The following AFF2 variants were observed in gnomAD, a reference collection of about 807,000 sequenced individuals.
AFF2 encodes the protein AF4/FMR2 family member 2.
A neutral mutation model predicts 76.9 loss-of-function variants in AFF2; 14 were observed. That is an observed-to-expected ratio of 0.18 (90% CI 0.12 to 0.28). The LOEUF (loss-of-function observed/expected upper bound fraction) is 0.28. Ranked by LOEUF, AFF2 falls within the 10% of genes least tolerant of loss-of-function variation. AFF2 has a pLI of 1.00. For missense variants in AFF2, 868 were observed against 1,001.1 expected (o/e 0.87, Z 1.79); for synonymous variants, 398 against 366.7 (o/e 1.09, Z -0.98).
intron 1 of AFF2, among the ~76,000 whole-genome samples, chrX:148,548,857 TA>T (rs1188371801): frequency 8.9e-6 from 1 of 112,757 alleles, no homozygotes; most frequent in African/African-American, 3.2e-5. Context: ...TAAAAGAAGA[TA>T]AAAATACAAT....
At chrX:148,868,656 G>T in intron 7 of AFF2, among the ~76,000 whole-genome samples, 1 of 112,450 alleles carries the variant, frequency 8.9e-6, no homozygotes, top group Non-Finnish European at 1.9e-5. Context: ...AAATACCTAA[G>T]ACTGGGTAGT....
At chrX:148,840,552 T>C (rs2070586734) in intron 5 of AFF2, among the ~76,000 whole-genome samples, 1 of 112,794 alleles carries the variant, frequency 8.9e-6, no homozygotes. Flanking sequence ...GTCAAGGCTA[T>C]TGCTTAAAAG....
At chrX:148,564,855 A>G (rs987213747) in intron 1 of AFF2, among the ~76,000 whole-genome samples, 5 of 112,121 alleles carry the variant, frequency 4.5e-5, no homozygotes, top group Non-Finnish European at 9.4e-5. Context: ...TAGGTAGCAC[A>G]TTCCACACAG....
intron 3 of AFF2, among the ~76,000 whole-genome samples, chrX:148,792,211 T>C (rs1287893987): frequency 1.8e-5 from 2 of 111,942 alleles, no homozygotes; most frequent in Non-Finnish European, 3.8e-5. Flanking sequence ...AGCTTAGAGT[T>C]GTCATGTAGA....
chrX:148,715,841 A>T (rs1156347063), intron 3 of AFF2, among the ~76,000 whole-genome samples: 1 of 111,652 alleles, frequency 9.0e-6, no homozygotes, highest in Non-Finnish European at 1.9e-5. Context: ...CATACATTTA[A>T]AATGTTTTAA....
At chrX:148,643,608 G>T (rs1394160469) in intron 1 of AFF2, among the ~76,000 whole-genome samples, 1 of 112,194 alleles carries the variant, frequency 8.9e-6, no homozygotes, top group Non-Finnish European at 1.9e-5. Flanking sequence ...TATTAGAGCA[G>T]AAAAGAAACT....
intron 3 of AFF2, among the ~76,000 whole-genome samples, chrX:148,729,867 C>T (rs1352446679): frequency 3.6e-5 from 4 of 111,732 alleles, no homozygotes; most frequent in Non-Finnish European, 7.5e-5. Context: ...ATGTCACCGC[C>T]ACTGTATAGT....
intron 3 of AFF2, among the ~76,000 whole-genome samples, chrX:148,789,849 A>C (rs2069869097): frequency 9.0e-6 from 1 of 111,608 alleles, no homozygotes; most frequent in African/African-American, 3.3e-5. Context: ...AGGGGTGCAA[A>C]ACCTGGAATA....
At chrX:148,932,494 T>G (rs781839991) in intron 9 of AFF2, among the ~76,000 whole-genome samples, 2 of 112,057 alleles carry the variant, frequency 1.8e-5, no homozygotes, top group African/African-American at 3.2e-5. Flanking sequence ...CAAACTTACT[T>G]AAGCTACCTG....
chrX:148,582,058 C>G (rs1478090069), intron 1 of AFF2, among the ~76,000 whole-genome samples: 1 of 111,317 alleles, frequency 9.0e-6, no homozygotes, highest in African/African-American at 3.3e-5. Flanking sequence ...TGCAAAGTGT[C>G]CTTCATTTTG....
chrX:148,694,853 T>C (rs1209343287), intron 3 of AFF2, among the ~76,000 whole-genome samples: 2 of 93,508 alleles, frequency 2.1e-5, no homozygotes, highest in African/African-American at 8.1e-5. Flanking sequence ...TCTCGCTCTG[T>C]CGCCCAGGCT....
intron 7 of AFF2, among the ~76,000 whole-genome samples, chrX:148,859,239 G>A (rs1215678334): frequency 9.3e-6 from 1 of 107,649 alleles, no homozygotes; most frequent in African/African-American, 3.4e-5. Context: ...AGTAGGAAGA[G>A]AATGAGAAAA....
At chrX:148,644,808 A>G (rs2054128263) in intron 1 of AFF2, among the ~76,000 whole-genome samples, 1 of 111,741 alleles carries the variant, frequency 8.9e-6, no homozygotes, top group South Asian at 3.8e-4. Flanking sequence ...TATAAAGACC[A>G]GGAGTTATTT....
rs782762196 is a variant in AFF2, at chrX:148,955,719, G to T, written c.1674G>T (p.Leu558=). 5.8e-6 allele frequency: 7 copies of T among 1,211,589 alleles called. No individual in the cohort carries two copies. In the Admixed American group the frequency reaches 1.1e-4, roughly 19 times the overall value. ...AAACACCCATGGAGACTATTTCTCTGCCTCCTCCAATCATCCAACCAATGG... is the reference window on the plus strand; with the variant it reads ...AAACACCCATGGAGACTATTTCTCTTCCTCCTCCAATCATCCAACCAATGG... ...QNETPMETIS[L]PPPIIQPMEV... Residue 558 remains leucine, a synonymous_variant, in exon 11 of 21, where the codon CTG becomes CTT. Coordinates refer to ENST00000370460, the MANE Select transcript of AFF2 (RefSeq NM_002025.4).
At chrX:148,519,549 A>C (rs1488582704) in intron 1 of AFF2, among the ~76,000 whole-genome samples, 1 of 112,266 alleles carries the variant, frequency 8.9e-6, no homozygotes, top group Non-Finnish European at 1.9e-5. Context: ...TTCAGAGAAG[A>C]ATCTAAACTA....
chrX:148,756,559 T>C (rs723446), intron 3 of AFF2, among the ~76,000 whole-genome samples: 41,258 of 111,902 alleles, frequency 0.37, 6,761 homozygotes, highest in Non-Finnish European at 0.51. Flanking sequence ...AGAATTGACT[T>C]ATTTCCCTCT....
intron 1 of AFF2, among the ~76,000 whole-genome samples, chrX:148,630,504 A>T (rs908300026): frequency 1.8e-5 from 2 of 111,670 alleles, no homozygotes; most frequent in Non-Finnish European, 3.8e-5. Flanking sequence ...GCAGGTTCCA[A>T]TGATGTTTCC....
intron 1 of AFF2, among the ~76,000 whole-genome samples, chrX:148,597,839 C>T (rs782520469): frequency 8.9e-6 from 1 of 112,223 alleles, no homozygotes; most frequent in East Asian, 2.8e-4. Context: ...TATTGCTAAT[C>T]GCAAACTCTT....
chrX:148,726,994 T>C (rs2055165718), intron 3 of AFF2, among the ~76,000 whole-genome samples: 1 of 112,151 alleles, frequency 8.9e-6, no homozygotes, highest in African/African-American at 3.2e-5. Flanking sequence ...GCAGGCATCC[T>C]TTTTCTTGTG....
Sources: allele counts gnomAD v4.1 joint callset (sites outside exome capture counted in the v4.1 genomes callset), GRCh38; gene constraint gnomAD v4.1.1; transcripts MANE v1.5; gene names NCBI Gene and HGNC (gene_info 2026-07-23, HGNC 2026-07-21).